CHST9: variants seen among roughly 807,000 people sequenced by gnomAD.
CHST9 encodes the protein carbohydrate sulfotransferase 9.
Under a neutral mutation model 44.4 loss-of-function variants are expected in CHST9, and 41 were observed. The ratio of observed to expected loss-of-function variants is 0.92; its 90% CI spans 0.72 to 1.20. CHST9 has a LOEUF of 1.20. Among genes scored for constraint, CHST9 ranks in the 50% most tolerant of loss-of-function variants. The pLI, the probability that CHST9 is intolerant of heterozygous loss-of-function variation, is 0.00. For missense variants in CHST9, 504 were observed against 516.5 expected, an observed-to-expected ratio of 0.98 and a Z score of 0.23; for synonymous variants, 171 against 178.4, an observed-to-expected ratio of 0.96 and a Z score of 0.33.
At chr18:27,032,238 C>A (rs553647742) in intron 3 of CHST9, among the ~76,000 whole-genome samples, 32 of 152,156 alleles carry the variant, frequency 2.1e-4, no homozygotes, top group African/African-American at 7.7e-4. Context: ...ACAGAAACAC[C>A]CCGTATGTGA....
intron 4 of CHST9, among the ~76,000 whole-genome samples, chr18:26,975,668 T>TATATAA (rs1238904313): frequency 8.3e-4 from 118 of 142,992 alleles, no homozygotes; most frequent in Non-Finnish European, 1.1e-3. Context: ...TATATATATA[T>TATATAA]AAATATATGT....
intron 5 of CHST9, among the ~76,000 whole-genome samples, chr18:26,942,712 A>G (rs1418303530): frequency 1.3e-5 from 2 of 152,238 alleles, no homozygotes; most frequent in South Asian, 2.1e-4. Flanking sequence ...GTATTCCTAT[A>G]TGATTTAAAT....
At chr18:27,058,166 G>A (rs1306183274) in intron 2 of CHST9, among the ~76,000 whole-genome samples, 2 of 152,160 alleles carry the variant, frequency 1.3e-5, no homozygotes, top group African/African-American at 2.4e-5. Context: ...TCTTAATTGC[G>A]TAAGCTGCAG....
At chr18:27,056,325 T>C (rs1281381713) in intron 2 of CHST9, among the ~76,000 whole-genome samples, 1 of 152,202 alleles carries the variant, frequency 6.6e-6, no homozygotes, top group Non-Finnish European at 1.5e-5. Flanking sequence ...TTTTTTCACA[T>C]GCACAAGGTT....
chr18:26,942,263 T>C (rs958319505), intron 5 of CHST9, among the ~76,000 whole-genome samples: 8 of 152,212 alleles, frequency 5.3e-5, no homozygotes, highest in Admixed American at 1.3e-4. Flanking sequence ...GTATCATTCT[T>C]GAGAGTGGGG....
rs984717489 is a variant in CHST9, at chr18:27,117,332, C to A, written c.121+25357G>T. Among the ~76,000 whole-genome samples, 3 of 152,122 alleles carry A rather than the reference C, an allele frequency of 2.0e-5. No homozygotes were observed. The South Asian group carries it at 6.2e-4, about 31-fold the overall frequency. Reference sequence around the variant, plus strand: ...ATTTCCATATACCCCCTGCCCCACACAAGCTCAACCTCCCCCATTTTCAAC... The same window carrying A: ...ATTTCCATATACCCCCTGCCCCACAAAAGCTCAACCTCCCCCATTTTCAAC... On this transcript the variant is annotated intron_variant, in intron 2 of 5. Coordinates refer to ENST00000618847, the MANE Select transcript of CHST9 (RefSeq NM_031422.6).
chr18:27,138,620 G>A (rs148326968), intron 2 of CHST9, among the ~76,000 whole-genome samples: 117 of 152,168 alleles, frequency 7.7e-4, no homozygotes, highest in Middle Eastern at 6.8e-3. Flanking sequence ...GATGTTCTGC[G>A]TCATTTCCAG....
chr18:27,159,064 G>C (rs1218464755), intron 1 of CHST9, among the ~76,000 whole-genome samples: 1 of 152,134 alleles, frequency 6.6e-6, no homozygotes, highest in Non-Finnish European at 1.5e-5. Flanking sequence ...TAGGTTGCCT[G>C]TTCACTCTGA....
intron 2 of CHST9, among the ~76,000 whole-genome samples, chr18:27,057,156 T>C (rs1270934102): frequency 6.6e-6 from 1 of 152,244 alleles, no homozygotes; most frequent in East Asian, 1.9e-4. Flanking sequence ...TAGTAGAATC[T>C]TGAACAAGTA....
chr18:26,968,421 T>G (rs2145164120), intron 4 of CHST9, among the ~76,000 whole-genome samples: 1 of 152,308 alleles, frequency 6.6e-6, no homozygotes, highest in East Asian at 1.9e-4. Context: ...AAATCATGAG[T>G]GAGGTCGGTG....
At chr18:27,057,506 C>T (rs1185084167) in intron 2 of CHST9, among the ~76,000 whole-genome samples, 1 of 152,206 alleles carries the variant, frequency 6.6e-6, no homozygotes, top group Non-Finnish European at 1.5e-5. Flanking sequence ...CCTCTCTGCC[C>T]TCCTGCAGGT....
chr18:27,068,770 A>G (rs951298270), intron 2 of CHST9, among the ~76,000 whole-genome samples: 1 of 152,136 alleles, frequency 6.6e-6, no homozygotes, highest in East Asian at 1.9e-4. Context: ...CTCTGGGACA[A>G]CTGCAGGTTT....
intron 2 of CHST9, among the ~76,000 whole-genome samples, chr18:27,049,561 T>G (rs909949427): frequency 3.3e-5 from 5 of 152,040 alleles, no homozygotes; most frequent in Middle Eastern, 3.4e-3. Context: ...GGTGGGGGAC[T>G]TCAACAGGCA....
chr18:26,996,639 A>G (rs1019787740), intron 4 of CHST9, among the ~76,000 whole-genome samples: 4 of 152,222 alleles, frequency 2.6e-5, no homozygotes, highest in Non-Finnish European at 4.4e-5. Context: ...AGGATGTTAG[A>G]GAATGGGCAG....
At chr18:26,944,453 A>G (rs898027518) in intron 4 of CHST9, 87 bp from the exon 5 acceptor site, 2 of 926,910 alleles carry the variant, frequency 2.2e-6, no homozygotes, top group African/African-American at 3.3e-5. Flanking sequence ...TACAGTAAAC[A>G]CTTCCAAAGT....
chr18:27,167,861 A>G (rs2058803067), intron 1 of CHST9, among the ~76,000 whole-genome samples: 2 of 152,168 alleles, frequency 1.3e-5, no homozygotes, highest in Non-Finnish European at 2.9e-5. Flanking sequence ...CAAATAGTGA[A>G]TCCCCTATCA....
chr18:27,179,599 G>A (rs2058895790), intron 1 of CHST9, among the ~76,000 whole-genome samples: 1 of 151,912 alleles, frequency 6.6e-6, no homozygotes, highest in Admixed American at 6.6e-5. Context: ...TATGGGGGAG[G>A]CAGCCCAATT....
intron 2 of CHST9, among the ~76,000 whole-genome samples, chr18:27,050,502 A>G (rs929127267): frequency 6.6e-6 from 1 of 152,192 alleles, no homozygotes; most frequent in Non-Finnish European, 1.5e-5. Flanking sequence ...AAGCTTTTCT[A>G]ACAGCCCTTC....
At chr18:27,179,082 C>G (rs2058890675) in intron 1 of CHST9, among the ~76,000 whole-genome samples, 1 of 18,434 alleles carries the variant, frequency 5.4e-5, no homozygotes, top group South Asian at 1.3e-3. Flanking sequence ...GATAATGTCT[C>G]TCTCTCTCTC....
Sources: allele counts gnomAD v4.1 joint callset (sites outside exome capture counted in the v4.1 genomes callset), GRCh38; gene constraint gnomAD v4.1.1; transcripts MANE v1.5; gene names NCBI Gene and HGNC (gene_info 2026-07-23, HGNC 2026-07-21).